Variants in GART observed in about 807,000 individuals in gnomAD.
GART encodes the protein trifunctional purine biosynthetic protein adenosine-3.
GART carries 43 observed loss-of-function variants against 107.2 expected under a neutral mutation model. The observed-to-expected ratio is 0.40, with a 90% CI of 0.31 to 0.52. The LOEUF is 0.52. Among genes scored for constraint, GART ranks in the 20% least tolerant of loss-of-function variants. The pLI, the probability that GART is intolerant of heterozygous loss-of-function variation, is 0.52. For synonymous variants in GART, 434 were observed against 427.0 expected (o/e 1.02, Z -0.20); for missense variants, 1,107 against 1,206.5 (o/e 0.92, Z 1.22).
intron 5 of GART, chr21:33,531,801 T>C (rs929136711): frequency 1.6e-5 from 7 of 433,892 alleles, no homozygotes; most frequent in African/African-American, 4.0e-5. Context: ...TCCTGAAGAT[T>C]TGGTGATCCA....
At chr21:33,519,212 G>A (rs1481182707) in intron 14 of GART, 3 of 160,166 alleles carry the variant, frequency 1.9e-5, no homozygotes, top group Non-Finnish European at 4.1e-5. Context: ...ATGCACACAT[G>A]TGCAGATGCA....
chr21:33,514,587 A>G (rs1052721067), intron 16 of GART, among the ~76,000 whole-genome samples: 8 of 152,216 alleles, frequency 5.3e-5, no homozygotes, highest in Non-Finnish European at 1.0e-4. Flanking sequence ...TGCACAAATC[A>G]GTCCTGCCTC....
chr21:33,542,239 T>A (rs2145784060), upstream of GART: 1 of 152,326 alleles, frequency 6.6e-6, no homozygotes, highest in South Asian at 2.1e-4. Context: ...TCTGATTCCC[T>A]CCCGCCCTGG....
chr21:33,507,955 T>C (rs535731408), intron 18 of GART, among the ~76,000 whole-genome samples: 1 of 152,344 alleles, frequency 6.6e-6, no homozygotes, highest in South Asian at 2.1e-4. Context: ...TATTACAGGT[T>C]GTATGGCTGT....
chr21:33,516,891 G>T, intron 16 of GART, 98 bp downstream of exon 16: 2 of 1,025,126 alleles, frequency 2.0e-6, no homozygotes, highest in Non-Finnish European at 2.8e-6. Context: ...AATTTTCCAT[G>T]TGTAATCATG....
chr21:33,507,746 C>G (rs923599755), intron 18 of GART, among the ~76,000 whole-genome samples: 2 of 152,128 alleles, frequency 1.3e-5, no homozygotes, highest in Non-Finnish European at 2.9e-5. Context: ...ACAGAAGAAT[C>G]ACTTGAAACT....
chr21:33,530,007 C>T (rs1313567769), intron 7 of GART, among the ~76,000 whole-genome samples: 2 of 151,966 alleles, frequency 1.3e-5, no homozygotes, highest in Non-Finnish European at 2.9e-5. Flanking sequence ...TACTGGCCAA[C>T]ATGGTGAAAC....
intron 10 of GART, among the ~76,000 whole-genome samples, chr21:33,527,903 AG>A (rs1317360529): frequency 2.6e-5 from 4 of 152,152 alleles, no homozygotes; most frequent in Non-Finnish European, 5.9e-5. Flanking sequence ...TGGAAGTGGA[AG>A]GCTGCACTGG....
chr21:33,507,392 C>T (rs1940696403), intron 18 of GART, among the ~76,000 whole-genome samples: 1 of 152,054 alleles, frequency 6.6e-6, no homozygotes, highest in Non-Finnish European at 1.5e-5. Context: ...TTACCAGAGG[C>T]TAGGAAGGGT....
At position 33,521,060 on chromosome 21, in the gene GART, A is replaced by C. The variant is rs748923359; in HGVS notation, c.1394-45T>G. The C allele has an allele frequency of 4.1e-6, 6 of 1,455,074 alleles. No homozygotes were observed. The South Asian group carries it at 7.0e-5, about 17-fold the overall frequency. The allele number at this position is 1,455,074 out of a possible 1,614,324, so 90.1% of individuals were successfully genotyped here. ...TTACTTGCTACATTTTAATAGATTA[A>C]ACATGTAATTATTTAAATGTCTACT... is the stretch of plus-strand genomic sequence containing the variant. On this transcript the variant is annotated intron_variant, in intron 12 of 21. Coordinates refer to ENST00000381815, the MANE Select transcript of GART (RefSeq NM_000819.5).
chr21:33,517,063 A>G lies in GART; in HGVS notation c.2033T>C (p.Phe678Ser). The change falls in exon 16 of 22, where the codon TTT becomes TCT. Residue 678 changes from phenylalanine to serine, a missense_variant. By Grantham distance (155) the Phe-to-Ser change is radical. Transcript: ENST00000381815. ...PVLRSGHVKAFAHITGGGLLE... is the reference protein window; with the variant it reads ...PVLRSGHVKASAHITGGGLLE... ...TAATCCTCCACCAGTAATATGGGCAAAGGCTTTGACATGTCCTGAACGTAG... is the reference window on the plus strand; with the variant it reads ...TAATCCTCCACCAGTAATATGGGCAGAGGCTTTGACATGTCCTGAACGTAG... 1 of 1,613,986 alleles carries G rather than the reference A, an allele frequency of 6.2e-7. No individual in the cohort carries two copies. The highest frequency in any genetic ancestry group is 8.5e-7 in the Non-Finnish European group (1 of 1,179,904).
At chr21:33,507,043 C>G (rs1233443022) in intron 18 of GART, among the ~76,000 whole-genome samples, 2 of 152,132 alleles carry the variant, frequency 1.3e-5, no homozygotes, top group African/African-American at 4.8e-5. Context: ...TATCATCCAG[C>G]AATCCCATTG....
Position 33,506,113 on chromosome 21 carries a change from G to A in GART, c.2453-9C>T. On this transcript the variant is annotated splice_polypyrimidine_tract_variant and intron_variant, in intron 18 of 21. Coordinates refer to ENST00000381815, the MANE Select transcript of GART (RefSeq NM_000819.5). ...TGCTTGCAGGTTCGATCCTGAGAAG[G>A]GAGAAAAACAGCAGTGAGCTCATAC... The A allele has an allele frequency of 1.9e-6, 3 of 1,610,300 alleles. No homozygotes were observed. Among genetic ancestry groups the A allele is most frequent in the Non-Finnish European group, 1.7e-6 (2 of 1,178,708 alleles).
At chr21:33,527,142 C>G (rs2085088344) in intron 10 of GART, among the ~76,000 whole-genome samples, 1 of 152,174 alleles carries the variant, frequency 6.6e-6, no homozygotes, top group Non-Finnish European at 1.5e-5. Context: ...TTCTTAACTG[C>G]CTGCCTAGCT....
At chr21:33,516,917 C>T (rs895603756) in intron 16 of GART, 72 bp downstream of exon 16, 1 of 1,322,682 alleles carries the variant, frequency 7.6e-7, no homozygotes, top group Non-Finnish European at 1.0e-6. Flanking sequence ...ATTAACTACC[C>T]ATAGTTTTCT....
At chr21:33,533,587 T>C (rs1434993882) in intron 4 of GART, among the ~76,000 whole-genome samples, 1 of 152,010 alleles carries the variant, frequency 6.6e-6, no homozygotes, top group Non-Finnish European at 1.5e-5. Flanking sequence ...TTCTTTATGT[T>C]GTAAGATGCC....
chr21:33,524,468 G>T, intron 11 of GART: 2 of 693,970 alleles, frequency 2.9e-6, no homozygotes, highest in Non-Finnish European at 3.6e-6. Flanking sequence ...TGAGAACTTG[G>T]GCGAGAGAGG....
At chr21:33,530,700 A>G (rs1434620688) in intron 7 of GART, 59 bp downstream of exon 7, 3 of 1,331,306 alleles carry the variant, frequency 2.3e-6, no homozygotes, top group Non-Finnish European at 2.9e-6. Flanking sequence ...AGTATCATCT[A>G]AGAGTTCTCT....
At chr21:33,534,010 C>T (rs1250476344) in intron 4 of GART, among the ~76,000 whole-genome samples, 1 of 152,064 alleles carries the variant, frequency 6.6e-6, no homozygotes. Flanking sequence ...AGGAACTACT[C>T]AGATTTTATT....
Sources: gnomAD v4.1 joint callset for allele counts (sites outside exome capture counted in the v4.1 genomes callset) on GRCh38, gnomAD v4.1.1 for gene constraint, MANE v1.5 for transcripts, NCBI Gene and HGNC (gene_info 2026-07-23, HGNC 2026-07-21) for gene names.